The following MACROD2 variants were observed in gnomAD, a reference collection of about 807,000 sequenced individuals.
MACROD2 encodes the protein mono-ADP ribosylhydrolase 2.
Under a neutral mutation model 70.4 loss-of-function variants are expected in MACROD2, and 36 were observed. That is an observed-to-expected ratio of 0.51 (90% CI 0.39 to 0.68). MACROD2 has a LOEUF of 0.68. Ranked by LOEUF, MACROD2 falls within the 30% of genes least tolerant of loss-of-function variation. The pLI is 0.00. For synonymous variants in MACROD2, 172 were observed against 178.8 expected (o/e 0.96, Z 0.30); for missense variants, 496 against 538.4 (o/e 0.92, Z 0.78).
chr20:16,010,183 G>A (rs760148287), intron 15 of MACROD2, among the ~76,000 whole-genome samples: 1 of 152,126 alleles, frequency 6.6e-6, no homozygotes, highest in Non-Finnish European at 1.5e-5. Flanking sequence ...GAGAGGGAGA[G>A]CATGTGAGTG....
At position 16,024,498 on chromosome 20, in the gene MACROD2, CACACACACACACACAG is replaced by C. The variant is rs112962905; in HGVS notation, c.1154-16671_1154-16656del. Among the ~76,000 whole-genome samples the C allele has an allele frequency of 6.7e-3, 561 of 83,518 alleles. 4 individuals carry two copies. The highest frequency in any genetic ancestry group is 0.014 in the African/African-American group (346 of 25,186). The allele number at this position is 83,518 out of a possible 152,430, so 54.8% of individuals were successfully genotyped here. ...TTCACCCAACCCATGCAGCCATGTT[CACACACACACACACAG>C]ACACACACACACACAGACACACACA... On this transcript the variant is annotated intron_variant, in intron 15 of 17. Coordinates refer to ENST00000684519, the MANE Select transcript of MACROD2 (RefSeq NM_001351661.2).
chr20:14,750,223 A>G (rs2071852163), intron 5 of MACROD2, among the ~76,000 whole-genome samples: 1 of 152,132 alleles, frequency 6.6e-6, no homozygotes, highest in Non-Finnish European at 1.5e-5. Context: ...TGTGTATTTT[A>G]TCATATAAAC....
intron 3 of MACROD2, among the ~76,000 whole-genome samples, chr20:14,275,490 T>G (rs2082244010): frequency 6.6e-6 from 1 of 151,566 alleles, no homozygotes; most frequent in South Asian, 2.1e-4. Context: ...TCAAGATGGA[T>G]TAAAGACTTA....
intron 5 of MACROD2, among the ~76,000 whole-genome samples, chr20:14,982,226 A>T (rs369933504): frequency 2.0e-4 from 30 of 152,294 alleles, no homozygotes; most frequent in East Asian, 7.7e-4. Flanking sequence ...CAAAACATTC[A>T]AGAGGTGACT....
At chr20:14,416,483 CG>C (rs2122880913) in intron 3 of MACROD2, among the ~76,000 whole-genome samples, 1 of 151,882 alleles carries the variant, frequency 6.6e-6, no homozygotes, top group South Asian at 2.1e-4. Context: ...ATCATGTATG[CG>C]ATATATTTGT....
intron 6 of MACROD2, among the ~76,000 whole-genome samples, chr20:15,245,125 T>C (rs940863719): frequency 5.9e-5 from 9 of 152,240 alleles, no homozygotes; most frequent in African/African-American, 2.4e-5. Flanking sequence ...GATAATTCCA[T>C]ATTTATTTCA....
intron 5 of MACROD2, among the ~76,000 whole-genome samples, chr20:15,178,646 A>G (rs774641747): frequency 1.1e-4 from 16 of 152,128 alleles, no homozygotes; most frequent in Non-Finnish European, 1.6e-4. Flanking sequence ...ACCTGCACCA[A>G]TCTCTGTGTC....
At chr20:14,731,807 T>A (rs1296168819) in intron 5 of MACROD2, among the ~76,000 whole-genome samples, 2 of 152,158 alleles carry the variant, frequency 1.3e-5, no homozygotes, top group East Asian at 3.9e-4. Context: ...CTTAACATAT[T>A]GAATGCAGAA....
At chr20:15,061,198 T>C (rs2075529942) in intron 5 of MACROD2, among the ~76,000 whole-genome samples, 1 of 152,226 alleles carries the variant, frequency 6.6e-6, no homozygotes, top group South Asian at 2.1e-4. Context: ...CATTTCTCAA[T>C]GTGCAGGAGC....
rs73901264 is a variant in MACROD2, at chr20:14,510,255, A to T, written c.301+16747A>T. Among the ~76,000 whole-genome samples, 276 of 152,170 alleles carry T rather than the reference A, an allele frequency of 1.8e-3. 1 individual carries two copies. Among genetic ancestry groups the T allele is most frequent in the African/African-American group, 4.6e-3 (192 of 41,562 alleles). ...GCAGTTTTTCCTTAGCTCTAAGCCTAATGTCAATAGAAAACTATATTGAAA... is the reference window on the plus strand; with the variant it reads ...GCAGTTTTTCCTTAGCTCTAAGCCTTATGTCAATAGAAAACTATATTGAAA... On this transcript the variant is annotated intron_variant, in intron 4 of 17. Coordinates refer to ENST00000684519, the MANE Select transcript of MACROD2 (RefSeq NM_001351661.2).
At chr20:15,610,548 C>A (rs1163542257) in intron 8 of MACROD2, among the ~76,000 whole-genome samples, 1 of 152,144 alleles carries the variant, frequency 6.6e-6, no homozygotes. Flanking sequence ...GGTCTAGGAT[C>A]CATCCAGAGA....
At chr20:14,263,112 G>T (rs145719368) in intron 3 of MACROD2, among the ~76,000 whole-genome samples, 258 of 152,180 alleles carry the variant, frequency 1.7e-3, no homozygotes, top group African/African-American at 6.0e-3. Flanking sequence ...GTGACTTTTC[G>T]TTAGGAATGC....
intron 8 of MACROD2, among the ~76,000 whole-genome samples, chr20:15,614,125 G>C (rs926286234): frequency 3.3e-5 from 5 of 152,196 alleles, no homozygotes; most frequent in African/African-American, 1.2e-4. Flanking sequence ...ATCTTGAAAA[G>C]TCACCTTAAT....
intron 4 of MACROD2, among the ~76,000 whole-genome samples, chr20:14,507,959 G>C (rs2084987534): frequency 6.6e-6 from 1 of 152,168 alleles, no homozygotes; most frequent in Admixed American, 6.5e-5. Context: ...AAATATACTA[G>C]CTACAGCCTC....
intron 6 of MACROD2, among the ~76,000 whole-genome samples, chr20:15,353,765 G>T (rs2060650251): frequency 1.0e-5 from 1 of 95,636 alleles, no homozygotes; most frequent in South Asian, 3.7e-4. Flanking sequence ...ATCATCACTG[G>T]CCATCAGAGA....
At chr20:16,025,240 A>G (rs2147564540) in intron 15 of MACROD2, among the ~76,000 whole-genome samples, 1 of 152,326 alleles carries the variant, frequency 6.6e-6, no homozygotes, top group African/African-American at 2.4e-5. Context: ...GTGCTCGCAG[A>G]GTCCATTCTG....
intron 5 of MACROD2, among the ~76,000 whole-genome samples, chr20:14,704,573 A>G (rs963319542): frequency 1.3e-5 from 2 of 152,132 alleles, no homozygotes; most frequent in African/African-American, 4.8e-5. Context: ...GGGAAACTCA[A>G]AGGAAGATAT....
intron 8 of MACROD2, among the ~76,000 whole-genome samples, chr20:15,511,833 A>T (rs982981943): frequency 1.3e-4 from 20 of 152,214 alleles, no homozygotes; most frequent in Non-Finnish European, 1.3e-4. Flanking sequence ...CACCTGTAAG[A>T]TAAGGTGAAA....
chr20:15,819,438 AT>A (rs990955772), intron 8 of MACROD2, among the ~76,000 whole-genome samples: 43 of 141,304 alleles, frequency 3.0e-4, no homozygotes, highest in African/African-American at 1.2e-3. Context: ...TAAGTATATA[AT>A]TATATAAATA....
Sources: allele counts gnomAD v4.1 joint callset (sites outside exome capture counted in the v4.1 genomes callset), GRCh38; gene constraint gnomAD v4.1.1; transcripts MANE v1.5; gene names NCBI Gene and HGNC (gene_info 2026-07-23, HGNC 2026-07-21).